The following ENOX1 variants were observed in gnomAD, a reference collection of about 807,000 sequenced individuals.
The protein encoded by ENOX1 is candidate growth-related and time keeping constitutive hydroquinone (NADH) oxidase.
Under a neutral mutation model 82.5 loss-of-function variants are expected in ENOX1, and 42 were observed. The observed-to-expected ratio is 0.51, with a 90% confidence interval of 0.40 to 0.66. ENOX1 has a LOEUF of 0.66. Among genes scored for constraint, ENOX1 ranks in the 30% least tolerant of loss-of-function variants. ENOX1 has a pLI of 0.00. For synonymous variants in ENOX1, 271 were observed against 282.2 expected (o/e 0.96, Z 0.40); for missense variants, 608 against 811.6 (o/e 0.75, Z 3.05).
intron 8 of ENOX1, among the ~76,000 whole-genome samples, chr13:43,345,376 A>C (rs537228938): frequency 6.6e-6 from 1 of 152,356 alleles, no homozygotes; most frequent in East Asian, 1.9e-4. Context: ...AATTTTCCAC[A>C]AAAGAGAACA....
At chr13:43,399,082 C>T (rs1381757962) in intron 5 of ENOX1, among the ~76,000 whole-genome samples, 1 of 151,518 alleles carries the variant, frequency 6.6e-6, no homozygotes, top group Non-Finnish European at 1.5e-5. Flanking sequence ...GCACTGGGCC[C>T]AGCCCCTTCC....
At chr13:43,308,408 T>C (rs1391673028) in intron 11 of ENOX1, among the ~76,000 whole-genome samples, 1 of 152,220 alleles carries the variant, frequency 6.6e-6, no homozygotes, top group Non-Finnish European at 1.5e-5. Flanking sequence ...CCTCAACCCG[T>C]TTTGTCCTTC....
intron 14 of ENOX1, among the ~76,000 whole-genome samples, chr13:43,259,528 G>A (rs1168183653): frequency 2.0e-5 from 3 of 152,190 alleles, no homozygotes; most frequent in African/African-American, 7.2e-5. Flanking sequence ...GAGTGCAGTG[G>A]TGCGATCTCG....
intron 2 of ENOX1, among the ~76,000 whole-genome samples, chr13:43,649,893 A>G (rs900317939): frequency 1.3e-5 from 2 of 152,118 alleles, no homozygotes; most frequent in Non-Finnish European, 2.9e-5. Flanking sequence ...TTTTCCTGGG[A>G]TCCCCTCCTC....
chr13:43,667,329 A>C, intron 2 of ENOX1, 150 bp downstream of exon 2: 4 of 356,474 alleles, frequency 1.1e-5, no homozygotes, highest in Non-Finnish European at 1.6e-5. Flanking sequence ...ATGTTAGTTC[A>C]GAGATCTTCT....
chr13:43,558,640 C>T (rs957020676), intron 2 of ENOX1, among the ~76,000 whole-genome samples: 3 of 152,294 alleles, frequency 2.0e-5, no homozygotes, highest in Admixed American at 2.0e-4. Flanking sequence ...TTCTACATTT[C>T]AACATTAAAC....
At chr13:43,665,577 G>A (rs909290308) in intron 2 of ENOX1, among the ~76,000 whole-genome samples, 13 of 152,016 alleles carry the variant, frequency 8.6e-5, no homozygotes, top group Non-Finnish European at 1.5e-4. Context: ...TGATTTAAAC[G>A]GTATTGAATT....
intron 5 of ENOX1, among the ~76,000 whole-genome samples, chr13:43,403,075 T>C (rs2053587263): frequency 6.6e-6 from 1 of 152,098 alleles, no homozygotes; most frequent in Admixed American, 6.5e-5. Flanking sequence ...CATATGTCAA[T>C]ATGCATGCAA....
rs530955060 is a variant in ENOX1 at position 43,656,613 on chromosome 13, G to T, written c.-219+10866C>A. 2.6e-5 allele frequency among the ~76,000 whole-genome samples: 4 copies of T among 152,306 alleles called. No individual in the cohort carries two copies. In the East Asian group the frequency reaches 7.7e-4, roughly 29 times the overall value. ...TCTGGCTAAAAGTATAAACCTTTGA[G>T]AGGGTTTTAAGGACATACTATAGGA... On this transcript the variant is annotated intron_variant, in intron 2 of 16. Transcript: ENST00000690772.
intron 14 of ENOX1, among the ~76,000 whole-genome samples, chr13:43,251,564 T>C (rs148080554): frequency 6.6e-4 from 101 of 152,198 alleles, no homozygotes; most frequent in African/African-American, 2.4e-3. Context: ...TGATGATAAA[T>C]TGTAGGAATC....
At chr13:43,595,085 T>C (rs1472151030) in intron 2 of ENOX1, among the ~76,000 whole-genome samples, 4 of 150,100 alleles carry the variant, frequency 2.7e-5, no homozygotes, top group Non-Finnish European at 5.9e-5. Context: ...AGGGCTCCCT[T>C]GGGGTGAACC....
chr13:43,607,409 G>A (rs529623764), intron 2 of ENOX1, among the ~76,000 whole-genome samples: 2 of 151,916 alleles, frequency 1.3e-5, no homozygotes, highest in Non-Finnish European at 2.9e-5. Context: ...ATTTGTAACC[G>A]CATAGTTTGT....
At chr13:43,488,329 A>G (rs1318549674) in intron 2 of ENOX1, among the ~76,000 whole-genome samples, 2 of 152,226 alleles carry the variant, frequency 1.3e-5, no homozygotes, top group African/African-American at 4.8e-5. Context: ...CACCACGTGC[A>G]AACACAGCAA....
intron 3 of ENOX1, among the ~76,000 whole-genome samples, chr13:43,478,824 G>A (rs1175518858): frequency 1.3e-5 from 2 of 152,064 alleles, no homozygotes; most frequent in Non-Finnish European, 2.9e-5. Context: ...CCTGTGTACT[G>A]GGGAATTCAA....
At chr13:43,598,706 T>C (rs1426024564) in intron 2 of ENOX1, among the ~76,000 whole-genome samples, 1 of 152,234 alleles carries the variant, frequency 6.6e-6, no homozygotes, top group African/African-American at 2.4e-5. Flanking sequence ...CTACAGATGA[T>C]ACAGTGTGCT....
chr13:43,566,045 T>G (rs1229498150), intron 2 of ENOX1, among the ~76,000 whole-genome samples: 1 of 152,180 alleles, frequency 6.6e-6, no homozygotes, highest in African/African-American at 2.4e-5. Context: ...TTGTGACTGA[T>G]GATAATTAAG....
chr13:43,267,393 C>T (rs536269467), intron 13 of ENOX1, among the ~76,000 whole-genome samples: 2 of 152,310 alleles, frequency 1.3e-5, no homozygotes, highest in South Asian at 2.1e-4. Context: ...TAGGGGTTAG[C>T]GTGGCCTTCC....
chr13:43,530,055 A>T (rs915869255), intron 2 of ENOX1, among the ~76,000 whole-genome samples: 3 of 152,112 alleles, frequency 2.0e-5, no homozygotes, highest in Admixed American at 1.3e-4. Context: ...ATGCTGTTTC[A>T]ATACTCATCT....
chr13:43,451,668 T>A (rs1468052449), intron 3 of ENOX1, among the ~76,000 whole-genome samples: 1 of 152,236 alleles, frequency 6.6e-6, no homozygotes, highest in Non-Finnish European at 1.5e-5. Flanking sequence ...GTAAGATATA[T>A]ACAATAAAAA....
Sources: allele counts gnomAD v4.1 joint callset (sites outside exome capture counted in the v4.1 genomes callset), GRCh38; gene constraint gnomAD v4.1.1; transcripts MANE v1.5; gene names NCBI Gene and HGNC (gene_info 2026-07-23, HGNC 2026-07-21).